Variants in PLXDC1 observed in about 807,000 individuals in gnomAD.
The protein encoded by PLXDC1 is plexin domain containing 1, also known as plexin domain-containing protein 1.
PLXDC1 carries 39 observed loss-of-function variants against 61.3 expected under a neutral mutation model. The ratio of observed to expected loss-of-function variants is 0.64; its 90% CI spans 0.49 to 0.83. The LOEUF is 0.83. Ranked by LOEUF, PLXDC1 falls within the 40% of genes least tolerant of loss-of-function variation. PLXDC1 has a pLI of 0.00. For synonymous variants in PLXDC1, 212 were observed against 254.5 expected, an observed-to-expected ratio of 0.83 and a Z score of 1.59; for missense variants, 596 against 666.5, an observed-to-expected ratio of 0.89 and a Z score of 1.17.
At chr17:39,078,241 G>A (rs778623385) in intron 10 of PLXDC1, among the ~76,000 whole-genome samples, 193 bp from the exon 11 acceptor site, 2 of 152,186 alleles carry the variant, frequency 1.3e-5, no homozygotes, top group Admixed American at 6.5e-5. Context: ...AAAAGTAGGC[G>A]GCTGGACAGG....
chr17:39,077,002 G>A (rs538831464), intron 11 of PLXDC1, among the ~76,000 whole-genome samples: 5 of 152,232 alleles, frequency 3.3e-5, no homozygotes, highest in African/African-American at 1.2e-4. Context: ...CAAAATGCTG[G>A]AATTACAAGC....
At chr17:39,124,632 G>C (rs549613746) in intron 2 of PLXDC1, among the ~76,000 whole-genome samples, 1 of 152,320 alleles carries the variant, frequency 6.6e-6, no homozygotes, top group East Asian at 1.9e-4. Context: ...TTGTGAGAAA[G>C]AGCTTAGGCT....
intron 11 of PLXDC1, among the ~76,000 whole-genome samples, chr17:39,075,751 T>C (rs1282031588): frequency 2.0e-5 from 3 of 152,184 alleles, no homozygotes; most frequent in Non-Finnish European, 4.4e-5. Flanking sequence ...GGTCACTGAC[T>C]TTGTTCTCTA....
intron 2 of PLXDC1, among the ~76,000 whole-genome samples, chr17:39,110,866 A>ATGGT (rs950009454): frequency 2.4e-4 from 36 of 152,162 alleles, no homozygotes; most frequent in African/African-American, 8.7e-4. Context: ...CGGAAGAAGC[A>ATGGT]TGGTTGGTTG....
intron 1 of PLXDC1, among the ~76,000 whole-genome samples, chr17:39,143,689 C>T (rs1272862087): frequency 1.1e-4 from 16 of 152,222 alleles, no homozygotes; most frequent in Admixed American, 9.2e-4. Flanking sequence ...TGGCTGCTGG[C>T]GCCTACTGGA....
chr17:39,128,107 A>ATATACATATATATG (rs1911387353), intron 2 of PLXDC1, among the ~76,000 whole-genome samples: 2 of 100,626 alleles, frequency 2.0e-5, no homozygotes, highest in Admixed American at 9.6e-5. Context: ...GTATATATAT[A>ATATACATATATATG]TATATATGTA....
chr17:39,068,115 C>A (rs973685811), intron 13 of PLXDC1, among the ~76,000 whole-genome samples, 156 bp from the exon 14 acceptor site: 1 of 152,232 alleles, frequency 6.6e-6, no homozygotes. Flanking sequence ...CAGGGACCCT[C>A]TCCCTAAAAT....
At chr17:39,097,059 G>A (rs1035894124) in intron 7 of PLXDC1, 31 of 467,724 alleles carry the variant, frequency 6.6e-5, no homozygotes, top group South Asian at 4.5e-4. Context: ...GAGTGAGGCT[G>A]TGAGGAGTCC....
At chr17:39,141,693 A>T (rs534795400) in intron 1 of PLXDC1, among the ~76,000 whole-genome samples, 64 of 152,212 alleles carry the variant, frequency 4.2e-4, no homozygotes, top group African/African-American at 1.4e-3. Context: ...TCTATTTCTA[A>T]TTTTTTGAGG....
intron 2 of PLXDC1, among the ~76,000 whole-genome samples, chr17:39,128,106 T>TAC (rs1597655692): frequency 1.0e-5 from 1 of 98,486 alleles, no homozygotes; most frequent in Non-Finnish European, 2.0e-5. Flanking sequence ...TGTATATATA[T>TAC]ATATATATGT....
chr17:39,145,841 A>C (rs1045544708), intron 1 of PLXDC1, among the ~76,000 whole-genome samples: 5 of 152,244 alleles, frequency 3.3e-5, no homozygotes, highest in Admixed American at 2.0e-4. Context: ...ACACTCTCTA[A>C]GACTCAGTTT....
At chr17:39,068,672 C>A (rs1209997040) in intron 13 of PLXDC1, among the ~76,000 whole-genome samples, 1 of 152,122 alleles carries the variant, frequency 6.6e-6, no homozygotes, top group Non-Finnish European at 1.5e-5. Flanking sequence ...GTGAGACTGT[C>A]TCGAAATAAA....
At chr17:39,110,113 G>A (rs564527799) in intron 2 of PLXDC1, among the ~76,000 whole-genome samples, 2 of 147,096 alleles carry the variant, frequency 1.4e-5, no homozygotes, top group Admixed American at 6.7e-5. Flanking sequence ...GCGACAGAGC[G>A]AGACTCTGTC....
rs780222477 is a variant in PLXDC1, at chr17:39,087,715, C to G, written c.812-13G>C. On this transcript the variant is annotated splice_polypyrimidine_tract_variant and intron_variant, in intron 7 of 13. Coordinates refer to ENST00000315392, the MANE Select transcript of PLXDC1 (RefSeq NM_020405.5). ...CTTCGCCGAGATTCTGAAACAGAGG[C>G]AGAGCCTGTTGTCAGGAGCATATCA... 1 of 1,599,450 alleles carries G rather than the reference C, an allele frequency of 6.3e-7. No homozygotes were observed. Among genetic ancestry groups the G allele is most frequent in the East Asian group, 2.2e-5 (1 of 44,762 alleles).
chr17:39,090,187 C>T (rs1159671970), intron 7 of PLXDC1, among the ~76,000 whole-genome samples: 1 of 152,210 alleles, frequency 6.6e-6, no homozygotes, highest in Non-Finnish European at 1.5e-5. Context: ...GGCACCAAAG[C>T]ATGCTCTCTT....
chr17:39,081,465 A>AT (rs1403798889), intron 9 of PLXDC1: 1 of 155,646 alleles, frequency 6.4e-6, no homozygotes, highest in Non-Finnish European at 1.4e-5. Flanking sequence ...AAAAAAAAAA[A>AT]AAATACAAAA....
In PLXDC1 at chr17:39,069,864, A is replaced by G. The variant is rs777162271; in HGVS notation, c.1375T>C (p.Phe459Leu). 1.1e-5 allele frequency: 18 copies of G among 1,613,622 alleles called. No homozygotes were observed. Among genetic ancestry groups the G allele is most frequent in the African/African-American group, 1.1e-4 (8 of 74,916 alleles). The change falls in exon 13 of 14, where the codon TTC becomes CTC. Residue 459 changes from phenylalanine to leucine, a missense_variant. Phe to Leu is a conservative substitution (Grantham distance 22). Transcript: ENST00000315392. The stretch of plus-strand genomic sequence containing the variant: ...CCACAGATGACACGGACCTCGATGA[A>G]GAAGAGCGCAGCATTGGATGTGGGG... ...GHPTSNAALF[F>L]IERRPHHWPA...
intron 2 of PLXDC1, among the ~76,000 whole-genome samples, chr17:39,123,766 C>T (rs1911236421): frequency 6.6e-6 from 1 of 152,202 alleles, no homozygotes; most frequent in South Asian, 2.1e-4. Flanking sequence ...GACAGCGGGG[C>T]AGCATTTACC....
rs748962961 is a variant in PLXDC1 at position 39,083,525 on chromosome 17, C to T, written c.923G>A (p.Arg308Lys). The change falls in exon 9 of 14, where the codon AGG becomes AAG. Residue 308 changes from arginine (R) to lysine (K), a missense_variant. Coordinates refer to ENST00000315392, the MANE Select transcript of PLXDC1 (RefSeq NM_020405.5). ...FTPLPTCLQH[R>K]SCDACMSSDL... Reference sequence around the variant, plus strand: ...TGAGGACATGCAGGCGTCACAGCTCCTATGCTGCAGGCAGGCTGCAAGAGA... The same window carrying T: ...TGAGGACATGCAGGCGTCACAGCTCTTATGCTGCAGGCAGGCTGCAAGAGA... The T allele has an allele frequency of 6.2e-7, 1 of 1,612,908 alleles. No homozygotes were observed. The highest frequency in any genetic ancestry group is 8.5e-7 in the Non-Finnish European group (1 of 1,179,478).
Sources: allele counts gnomAD v4.1 joint callset (sites outside exome capture counted in the v4.1 genomes callset), GRCh38; gene constraint gnomAD v4.1.1; transcripts MANE v1.5; gene names NCBI Gene and HGNC (gene_info 2026-07-23, HGNC 2026-07-21).